Variants in JMJD1C observed in about 807,000 individuals in gnomAD.
JMJD1C encodes the protein jumonji domain-containing protein 1C.
Under a neutral mutation model 245.3 loss-of-function variants are expected in JMJD1C, and 31 were observed. That is an observed-to-expected ratio of 0.13 (90% confidence interval 0.09 to 0.17). The LOEUF is 0.17. Among genes scored for constraint, JMJD1C ranks in the 10% least tolerant of loss-of-function variants. JMJD1C has a pLI of 1.00. For missense variants in JMJD1C, 2,691 were observed against 3,000.2 expected (o/e 0.90, Z 2.41); for synonymous variants, 1,057 against 1,017.4 (o/e 1.04, Z -0.74).
chr10:63,246,256 C>A (rs1182193671), intron 3 of JMJD1C, among the ~76,000 whole-genome samples: 2 of 151,950 alleles, frequency 1.3e-5, no homozygotes. Context: ...AATAAGACTA[C>A]CCCAAGGCAT....
At chr10:63,414,705 T>C (rs1253081633) in intron 1 of JMJD1C, among the ~76,000 whole-genome samples, 4 of 151,964 alleles carry the variant, frequency 2.6e-5, no homozygotes, top group African/African-American at 7.3e-5. Flanking sequence ...CTGGCCAACA[T>C]GGTGAAACTT....
intron 1 of JMJD1C, among the ~76,000 whole-genome samples, chr10:63,494,786 T>C (rs962695173): frequency 2.0e-5 from 3 of 152,180 alleles, no homozygotes; most frequent in African/African-American, 7.2e-5. Flanking sequence ...ACAAATATCA[T>C]AAATTTATTG....
At chr10:63,427,788 T>C (rs1950526547) in intron 1 of JMJD1C, 4 of 1,338,670 alleles carry the variant, frequency 3.0e-6, no homozygotes, top group Admixed American at 1.7e-5. Context: ...GTTTTGAATA[T>C]ATCTTGGCAA....
At chr10:63,258,856 A>T (rs1854326156) in intron 3 of JMJD1C, among the ~76,000 whole-genome samples, 2 of 152,216 alleles carry the variant, frequency 1.3e-5, no homozygotes, top group Non-Finnish European at 2.9e-5. Flanking sequence ...TCATTAAACA[A>T]CTAGCAGGGA....
At chr10:63,197,591 A>G (rs528658490) in intron 12 of JMJD1C, 28 bp from the exon 13 acceptor site, 1 of 1,477,820 alleles carries the variant, frequency 6.8e-7, no homozygotes, top group African/African-American at 1.5e-5. Flanking sequence ...CAAAAATTTT[A>G]AAGGCAAACA....
At chr10:63,453,050 G>C (rs1314031377) in intron 1 of JMJD1C, among the ~76,000 whole-genome samples, 2 of 152,120 alleles carry the variant, frequency 1.3e-5, no homozygotes, top group African/African-American at 4.8e-5. Flanking sequence ...TGAGGCAGGC[G>C]GATCACTTGA....
At chr10:63,230,215 T>C (rs1250361306) in intron 3 of JMJD1C, among the ~76,000 whole-genome samples, 4 of 152,198 alleles carry the variant, frequency 2.6e-5, no homozygotes, top group East Asian at 1.9e-4. Context: ...CTATTACAAA[T>C]ACAAGAATTA....
intron 3 of JMJD1C, among the ~76,000 whole-genome samples, chr10:63,224,784 C>A (rs1849039552): frequency 1.3e-5 from 2 of 152,102 alleles, no homozygotes; most frequent in African/African-American, 4.8e-5. Flanking sequence ...ACTTAATGGG[C>A]CGGGTGCGAT....
At chr10:63,494,067 T>A (rs996719894) in intron 1 of JMJD1C, among the ~76,000 whole-genome samples, 1 of 152,134 alleles carries the variant, frequency 6.6e-6, no homozygotes, top group South Asian at 2.1e-4. Context: ...TCCCAGCACT[T>A]TGGAAGGCCG....
chr10:63,230,770 C>CCG (rs1849871777), intron 3 of JMJD1C, among the ~76,000 whole-genome samples: 1 of 135,748 alleles, frequency 7.4e-6, no homozygotes, highest in Admixed American at 7.8e-5. Context: ...GTGAGACTGT[C>CCG]CCCCCCCCCA....
intron 11 of JMJD1C, among the ~76,000 whole-genome samples, chr10:63,199,093 C>T (rs1845753101): frequency 6.6e-6 from 1 of 152,088 alleles, no homozygotes; most frequent in Admixed American, 6.5e-5. Flanking sequence ...ATCGGAATCA[C>T]CAAAGCTGAA....
intron 1 of JMJD1C, among the ~76,000 whole-genome samples, chr10:63,458,938 T>C (rs1952601422): frequency 6.6e-6 from 1 of 152,126 alleles, no homozygotes; most frequent in Non-Finnish European, 1.5e-5. Flanking sequence ...CCCAGGCTGG[T>C]CTTGAACTCC....
At chr10:63,463,624 C>T (rs984415442) in intron 1 of JMJD1C, among the ~76,000 whole-genome samples, 16 of 151,984 alleles carry the variant, frequency 1.1e-4, no homozygotes, top group African/African-American at 3.9e-4. Flanking sequence ...GCTAAAAAAA[C>T]TAAATTAATA....
chr10:63,410,095 C>A (rs1949396603), intron 1 of JMJD1C, among the ~76,000 whole-genome samples: 1 of 152,106 alleles, frequency 6.6e-6, no homozygotes, highest in African/African-American at 2.4e-5. Flanking sequence ...TTCCTAAATG[C>A]CAGGAAGCAC....
intron 2 of JMJD1C, among the ~76,000 whole-genome samples, chr10:63,312,861 T>G (rs921108385): frequency 3.3e-5 from 5 of 152,238 alleles, no homozygotes; most frequent in Non-Finnish European, 5.9e-5. Context: ...ATTAGTTCTG[T>G]GCCTTTGGAT....
chr10:63,487,329 G>A (rs1012301439), intron 1 of JMJD1C, among the ~76,000 whole-genome samples: 1 of 152,184 alleles, frequency 6.6e-6, no homozygotes, highest in African/African-American at 2.4e-5. Flanking sequence ...TATAGACAGT[G>A]ATTCTCAACA....
chr10:63,228,531 A>T (rs946559908), intron 3 of JMJD1C, among the ~76,000 whole-genome samples: 1 of 152,198 alleles, frequency 6.6e-6, no homozygotes, highest in Non-Finnish European at 1.5e-5. Flanking sequence ...TAAAAAAATT[A>T]AAAAGGAAAA....
At chr10:63,482,564 A>G (rs534959523) in intron 1 of JMJD1C, among the ~76,000 whole-genome samples, 2 of 152,138 alleles carry the variant, frequency 1.3e-5, no homozygotes, top group Non-Finnish European at 1.5e-5. Context: ...TGAACTCAGG[A>G]GGCCAAGGTA....
At chr10:63,457,555 A>G (rs1293268063) in intron 1 of JMJD1C, among the ~76,000 whole-genome samples, 1 of 152,204 alleles carries the variant, frequency 6.6e-6, no homozygotes, top group Non-Finnish European at 1.5e-5. Flanking sequence ...CAAAGGACTG[A>G]ATTTGAAATA....
Sources: gnomAD v4.1 joint callset for allele counts (sites outside exome capture counted in the v4.1 genomes callset) on GRCh38, gnomAD v4.1.1 for gene constraint, MANE v1.5 for transcripts, NCBI Gene and HGNC (gene_info 2026-07-23, HGNC 2026-07-21) for gene names.